Variants in GTPBP6 observed in about 807,000 individuals in gnomAD.
GTPBP6 encodes the protein putative GTP-binding protein 6.
In GTPBP6, 33 loss-of-function variants were observed where a neutral mutation model predicts 28.9. The observed-to-expected ratio is 1.14, with a 90% CI of 0.87 to 1.53. GTPBP6 has a LOEUF of 1.53. Ranked by LOEUF, GTPBP6 falls within the 40% of genes most tolerant of loss-of-function variation. The pLI, the probability that GTPBP6 is intolerant of heterozygous loss-of-function variation, is 0.00. For synonymous variants in GTPBP6, 231 were observed against 192.7 expected, an observed-to-expected ratio of 1.20 and a Z score of -1.65; for missense variants, 507 against 408.3, an observed-to-expected ratio of 1.24 and a Z score of -2.08.
chrX:311,736 C>T, intron 6 of GTPBP6, 109 bp from the exon 7 acceptor site: 3 of 885,126 alleles, frequency 3.4e-6, no homozygotes, highest in South Asian at 2.8e-5. Context: ...GGGGGCCGCA[C>T]CCCGGGCTAC....
intron 9 of GTPBP6, among the ~76,000 whole-genome samples, chrX:306,174 T>C: frequency 6.6e-6 from 1 of 152,136 alleles, no homozygotes. Flanking sequence ...AAGTGCAGAT[T>C]AGGCACCTGT....
At chrX:306,743 A>G (rs918146096) in intron 9 of GTPBP6, among the ~76,000 whole-genome samples, 1 of 149,622 alleles carries the variant, frequency 6.7e-6, no homozygotes, top group Admixed American at 6.7e-5. Flanking sequence ...TTGGCTGTCA[A>G]GCACAGATTA....
intron 5 of GTPBP6, among the ~76,000 whole-genome samples, chrX:313,576 T>C (rs1428926148): frequency 6.6e-6 from 1 of 152,068 alleles, no homozygotes; most frequent in Non-Finnish European, 1.5e-5. Flanking sequence ...TATTTGAAAA[T>C]AAGGTGTTTG....
At chrX:318,369 C>T in intron 1 of GTPBP6, 70 bp downstream of exon 1, 2 of 391,170 alleles carry the variant, frequency 5.1e-6, no homozygotes, top group South Asian at 1.3e-4. Context: ...CCTATGAGCC[C>T]CCTCCCCTCA....
At chrX:312,534 T>C (rs941225083) in intron 6 of GTPBP6, 5 of 694,476 alleles carry the variant, frequency 7.2e-6, no homozygotes, top group African/African-American at 7.0e-5. Flanking sequence ...ATCCTCACCT[T>C]GGCTGCTGTA....
At chrX:305,918 C>A (rs1027697255) in intron 9 of GTPBP6, among the ~76,000 whole-genome samples, 3 of 152,150 alleles carry the variant, frequency 2.0e-5, no homozygotes, top group African/African-American at 4.8e-5. Flanking sequence ...GCCACCCCAC[C>A]TGGGGTGGTA....
exon 6 of GTPBP6, chrX:312,830 C>G (rs756741436): frequency 5.6e-6 from 9 of 1,612,620 alleles, no homozygotes; most frequent in Non-Finnish European, 7.6e-6. Flanking sequence ...GCCGGCGGAG[C>G]AGGTGCCTCT....
At chrX:307,686 G>A (rs368255199) in intron 8 of GTPBP6, 46 bp downstream of exon 8, 41 of 1,453,196 alleles carry the variant, frequency 2.8e-5, no homozygotes, top group East Asian at 7.4e-5. Flanking sequence ...CGGCTCCAGC[G>A]CGTGCAGGGG....
At chrX:306,969 C>A (rs1203255834) in intron 9 of GTPBP6, among the ~76,000 whole-genome samples, 6 of 147,678 alleles carry the variant, frequency 4.1e-5, no homozygotes, top group African/African-American at 1.3e-4. Context: ...AGATTAGGCA[C>A]CTGTTGTATG....
At chrX:312,663 T>C in intron 6 of GTPBP6, 103 bp downstream of exon 6, 1 of 1,218,994 alleles carries the variant, frequency 8.2e-7, no homozygotes, top group Non-Finnish European at 1.2e-6. Context: ...GCAGCTGTCG[T>C]ACGGCACCAC....
At position 312,927 on chromosome X, in the gene GTPBP6, A is replaced by G. The variant is rs9635649; in HGVS notation, c.758-3T>C. 3.4e-3 allele frequency: 5,416 copies of G among 1,609,324 alleles called. 167 individuals carry two copies. The African/African-American group carries it at 0.065, about 19-fold the overall frequency. On this transcript the variant is annotated splice_region_variant and splice_polypyrimidine_tract_variant and intron_variant, in intron 5 of 9. Transcript: ENST00000326153. Reference sequence around the variant, plus strand: ...CTGCAGCTGCATGAAGGATTCTCCTAAAAGACACCCGAGATGGTGAGGCGG... The same window carrying G: ...CTGCAGCTGCATGAAGGATTCTCCTGAAAGACACCCGAGATGGTGAGGCGG...
intron 6 of GTPBP6, 41 bp from the exon 7 acceptor site, chrX:311,668 C>G: frequency 6.8e-7 from 1 of 1,478,118 alleles, no homozygotes; most frequent in Non-Finnish European, 9.5e-7. Context: ...GAGATCCCTG[C>G]GTCCCAACTC....
At chrX:315,691 C>CGCAG (rs1258393201) in intron 2 of GTPBP6, among the ~76,000 whole-genome samples, 132 of 5,126 alleles carry the variant, frequency 0.026, 39 homozygotes, top group East Asian at 0.12. Context: ...CACATACACA[C>CGCAG]ACACACACAC....
At position 315,037 on chromosome X, in the gene GTPBP6, C is replaced by G. The variant is rs1451612044; in HGVS notation, c.559-17G>C. On this transcript the variant is annotated splice_polypyrimidine_tract_variant and intron_variant, in intron 3 of 9. Coordinates refer to ENST00000326153, the Ensembl canonical transcript of GTPBP6. ...CAGTTCTTTCTGCAAAAGGAGAGAG[C>G]AACTGAGAAGCCACGGGGGAAGGCC... 1 of 398,708 alleles carries G rather than the reference C, an allele frequency of 2.5e-6. No individual in the cohort carries two copies. The allele number at this position is 398,708 out of a possible 1,614,324, so 24.7% of individuals were successfully genotyped here.
intron 9 of GTPBP6, among the ~76,000 whole-genome samples, chrX:306,267 CTG>C (rs2124442348): frequency 6.8e-6 from 1 of 147,312 alleles, no homozygotes; most frequent in Admixed American, 6.7e-5. Context: ...TACATTTTGA[CTG>C]TCAGCACAGA....
intron 3 of GTPBP6, 55 bp from the exon 4 acceptor site, chrX:315,075 C>T (rs1300583861): frequency 1.5e-5 from 6 of 398,616 alleles, no homozygotes; most frequent in African/African-American, 6.2e-5. Context: ...GCCCTGGTGG[C>T]CAATGTGAGA....
At chrX:307,087 A>G (rs1358925490) in intron 9 of GTPBP6, among the ~76,000 whole-genome samples, 1 of 151,774 alleles carries the variant, frequency 6.6e-6, no homozygotes, top group African/African-American at 2.4e-5. Flanking sequence ...CGTTGTATGC[A>G]GTCAGAAATG....
chrX:311,185 T>C (rs868859819), intron 7 of GTPBP6, among the ~76,000 whole-genome samples: 1 of 60,784 alleles, frequency 1.6e-5, no homozygotes, highest in African/African-American at 8.9e-5. Flanking sequence ...CGGCCCCGAG[T>C]TGGGTGGGTG....
rs893026240 is a variant in GTPBP6, at chrX:308,003, C to A, written c.1126-123G>T. The A allele has an allele frequency of 2.1e-5, 18 of 871,122 alleles. No homozygotes were observed. The African/African-American group carries it at 2.6e-4, about 13-fold the overall frequency. The allele number at this position is 871,122 out of a possible 1,614,324, so 54.0% of individuals were successfully genotyped here. A position where few individuals can be genotyped will look rare whatever the true frequency, so the allele number is the denominator to read the frequency against. ...CGACAGGCTGGGCATGGGAGGTACGCCTGTGTGCAGGCCCCTCGGACACCC... is the reference window on the plus strand; with the variant it reads ...CGACAGGCTGGGCATGGGAGGTACGACTGTGTGCAGGCCCCTCGGACACCC... On this transcript the variant is annotated intron_variant, in intron 7 of 9. Transcript: ENST00000326153.
Sources: gnomAD v4.1 joint callset for allele counts (sites outside exome capture counted in the v4.1 genomes callset) on GRCh38, gnomAD v4.1.1 for gene constraint, MANE v1.5 for transcripts, NCBI Gene and HGNC (gene_info 2026-07-23, HGNC 2026-07-21) for gene names.